Variants in PLXNA4 observed in about 807,000 individuals in gnomAD.
PLXNA4 encodes plexin-A4.
In PLXNA4, 44 loss-of-function variants were observed where a neutral mutation model predicts 191.8. The ratio of observed to expected loss-of-function variants is 0.23; its 90% confidence interval spans 0.18 to 0.29. PLXNA4 has a LOEUF of 0.29. PLXNA4 is among the 10% of genes least tolerant of loss of function. PLXNA4 has a pLI of 1.00. For missense variants in PLXNA4, 1,800 were observed against 2,488.8 expected, an observed-to-expected ratio of 0.72 and a Z score of 5.89; for synonymous variants, 1,082 against 1,009.5, an observed-to-expected ratio of 1.07 and a Z score of -1.36.
chr7:132,412,062 G>A (rs1794477854), intron 3 of PLXNA4, among the ~76,000 whole-genome samples: 1 of 152,022 alleles, frequency 6.6e-6, no homozygotes, highest in Admixed American at 6.6e-5. Context: ...AGGTAGGACT[G>A]TGTCCTCGAC....
intron 3 of PLXNA4, among the ~76,000 whole-genome samples, chr7:132,443,023 C>T (rs1795752554): frequency 6.6e-6 from 1 of 152,192 alleles, no homozygotes. Context: ...AACACCCCTC[C>T]TGCTGGTTTT....
chr7:132,512,951 A>G (rs943199369), intron 1 of PLXNA4, among the ~76,000 whole-genome samples: 1 of 152,256 alleles, frequency 6.6e-6, no homozygotes. Context: ...AATGGGACCA[A>G]ATAACCTTCA....
chr7:132,554,900 T>G (rs1800721788), intron 1 of PLXNA4, among the ~76,000 whole-genome samples: 1 of 152,174 alleles, frequency 6.6e-6, no homozygotes, highest in African/African-American at 2.4e-5. Flanking sequence ...CATTAGCAGA[T>G]GCCCCATCCT....
chr7:132,387,424 T>C (rs1352808068), intron 3 of PLXNA4, among the ~76,000 whole-genome samples: 1 of 152,188 alleles, frequency 6.6e-6, no homozygotes, highest in Middle Eastern at 3.2e-3. Context: ...GTGCCTTAAC[T>C]AAGTTGGAGA....
At chr7:132,241,664 A>G (rs1268724499) in intron 4 of PLXNA4, among the ~76,000 whole-genome samples, 1 of 151,904 alleles carries the variant, frequency 6.6e-6, no homozygotes, top group African/African-American at 2.4e-5. Context: ...TGAGACCAAG[A>G]CCCTTCTCTT....
At chr7:132,563,937 CTCCTCCTCCT>C (rs1268127444) in intron 1 of PLXNA4, among the ~76,000 whole-genome samples, 3 of 112,282 alleles carry the variant, frequency 2.7e-5, no homozygotes, top group Admixed American at 8.5e-5. Flanking sequence ...TTTCCTCGTC[CTCCTCCTCCT>C]CCTTTTCCTC....
chr7:132,145,170 T>C lies in PLXNA4; in HGVS notation c.5174A>G (p.Asp1725Gly). Reference protein sequence around the residue: ...YMFDFLDEQADKHGIHDPHVR... With the variant: ...YMFDFLDEQAGKHGIHDPHVR... The stretch of plus-strand genomic sequence containing the variant: ...GTGCGGGTCATGAATGCCATGTTTA[T>C]CAGCCTGCTCATCCAGGAAGTCAAA... Residue 1725 changes from aspartate to glycine, a missense_variant, in exon 29 of 32, where the codon GAT becomes GGT. Physicochemically the swap from Asp to Gly is moderately conservative, Grantham distance 94 (BLOSUM62 -1). This residue lies in a region of PLXNA4 where 101 missense variants were observed against 182.8 expected (regional missense o/e 0.55). Coordinates refer to ENST00000321063, the MANE Select transcript of PLXNA4 (RefSeq NM_020911.2). 1 of 1,614,204 alleles carries C rather than the reference T, an allele frequency of 6.2e-7. No individual in the cohort carries two copies. The highest frequency in any genetic ancestry group is 8.5e-7 in the Non-Finnish European group (1 of 1,180,036).
chr7:132,449,607 T>C (rs1392496271), intron 3 of PLXNA4, among the ~76,000 whole-genome samples: 1 of 152,222 alleles, frequency 6.6e-6, no homozygotes, highest in African/African-American at 2.4e-5. Context: ...ACCTGTCCTT[T>C]TCTGGATCCT....
At chr7:132,358,388 G>A (rs747976229) in intron 3 of PLXNA4, among the ~76,000 whole-genome samples, 2 of 152,298 alleles carry the variant, frequency 1.3e-5, no homozygotes, top group South Asian at 4.1e-4. Flanking sequence ...TTGGGGGAGA[G>A]CAAAGTTTTA....
At chr7:132,613,385 T>C (rs1225880516) in intron 2 of PLXNA4, among the ~76,000 whole-genome samples, 1 of 152,188 alleles carries the variant, frequency 6.6e-6, no homozygotes, top group East Asian at 1.9e-4. Context: ...GAATCCTCCA[T>C]ATCACAGTTC....
At chr7:132,288,627 C>T (rs1044513627) in intron 4 of PLXNA4, among the ~76,000 whole-genome samples, 2 of 152,184 alleles carry the variant, frequency 1.3e-5, no homozygotes, top group Non-Finnish European at 2.9e-5. Context: ...CAAACATCCA[C>T]GTGGGCTTGT....
intron 4 of PLXNA4, among the ~76,000 whole-genome samples, chr7:132,246,386 G>A (rs368089561): frequency 5.1e-4 from 78 of 152,248 alleles, no homozygotes; most frequent in African/African-American, 1.8e-3. Context: ...TCAAGGTCTG[G>A]ATACCTGTTT....
chr7:132,141,752 T>G (rs1795276984), intron 29 of PLXNA4, among the ~76,000 whole-genome samples: 2 of 152,238 alleles, frequency 1.3e-5, no homozygotes, highest in South Asian at 4.2e-4. Context: ...TTTCTTTCAA[T>G]GGAGTTTTGC....
intron 4 of PLXNA4, among the ~76,000 whole-genome samples, chr7:132,276,687 C>T (rs1014410015): frequency 3.3e-5 from 5 of 152,132 alleles, no homozygotes; most frequent in African/African-American, 7.2e-5. Context: ...GGCATATATC[C>T]GTGCCATTAA....
intron 2 of PLXNA4, among the ~76,000 whole-genome samples, chr7:132,631,809 G>T (rs1346413411): frequency 6.6e-6 from 1 of 152,090 alleles, no homozygotes; most frequent in African/African-American, 2.4e-5. Context: ...TTGGAAGTAG[G>T]GCTGATCTTA....
chr7:132,135,488 C>T (rs1300654491), intron 30 of PLXNA4, among the ~76,000 whole-genome samples: 1 of 152,156 alleles, frequency 6.6e-6, no homozygotes, highest in Admixed American at 6.5e-5. Context: ...CTTCTTGCTG[C>T]CTTTATAGTC....
chr7:132,533,798 C>G (rs1216831197), intron 1 of PLXNA4, among the ~76,000 whole-genome samples: 1 of 152,172 alleles, frequency 6.6e-6, no homozygotes, highest in Non-Finnish European at 1.5e-5. Context: ...CTATCCCACA[C>G]TAACCCACCT....
upstream of PLXNA4, among the ~76,000 whole-genome samples, chr7:132,577,800 A>G: frequency 6.6e-6 from 1 of 152,126 alleles, no homozygotes; most frequent in Non-Finnish European, 1.5e-5. Flanking sequence ...AGCTGACACA[A>G]GCGCACACTG....
At chr7:132,647,029 A>C (rs918029674) in intron 1 of PLXNA4, among the ~76,000 whole-genome samples, 2 of 152,012 alleles carry the variant, frequency 1.3e-5, no homozygotes, top group Non-Finnish European at 2.9e-5. Flanking sequence ...ACATACACAC[A>C]TACACGCAGT....
Sources: allele counts gnomAD v4.1 joint callset (sites outside exome capture counted in the v4.1 genomes callset), GRCh38; gene constraint gnomAD v4.1.1; regional missense constraint gnomAD v4.1.1; transcripts MANE v1.5; gene names NCBI Gene and HGNC (gene_info 2026-07-23, HGNC 2026-07-21).